The following MPP7 variants were observed in gnomAD, a reference collection of about 807,000 sequenced individuals.
MPP7 encodes MAGUK p55 subfamily member 7.
Under a neutral mutation model 76.5 loss-of-function variants are expected in MPP7, and 60 were observed. The ratio of observed to expected loss-of-function variants is 0.78; its 90% CI spans 0.64 to 0.97. The LOEUF is 0.97. MPP7 is among the 50% of genes least tolerant of loss of function. MPP7 has a pLI of 0.00. For synonymous variants in MPP7, 237 were observed against 244.5 expected (o/e 0.97, Z 0.29); for missense variants, 641 against 694.0 (o/e 0.92, Z 0.86).
At chr10:28,213,116 T>A (rs1401690503) in intron 2 of MPP7, among the ~76,000 whole-genome samples, 1 of 152,056 alleles carries the variant, frequency 6.6e-6, no homozygotes, top group Non-Finnish European at 1.5e-5. Context: ...ATTTTTAATT[T>A]TTTTTGTAGT....
At chr10:28,089,573 AT>A in intron 12 of MPP7, 97 bp downstream of exon 12, 1 of 1,163,074 alleles carries the variant, frequency 8.6e-7, no homozygotes, top group Non-Finnish European at 1.2e-6. Flanking sequence ...AGGGGAGGAG[AT>A]TTTTAGCTTG....
At chr10:28,309,076 G>C (rs1164111543) in intron 2 of MPP7, among the ~76,000 whole-genome samples, 1 of 152,026 alleles carries the variant, frequency 6.6e-6, no homozygotes, top group African/African-American at 2.4e-5. Flanking sequence ...GAGATGTGGG[G>C]ACCCAGCATT....
chr10:28,285,777 C>T (rs947296440), intron 1 of MPP7, among the ~76,000 whole-genome samples: 3 of 151,166 alleles, frequency 2.0e-5, no homozygotes, highest in African/African-American at 7.3e-5. Flanking sequence ...TATTTACAGG[C>T]ATTAAAAGAA....
intron 1 of MPP7, among the ~76,000 whole-genome samples, chr10:28,274,222 C>A (rs1469487464): frequency 1.3e-5 from 2 of 150,914 alleles, no homozygotes; most frequent in Non-Finnish European, 2.9e-5. Flanking sequence ...CCTGCCTCAG[C>A]CTCCCGAGTA....
intron 1 of MPP7, among the ~76,000 whole-genome samples, chr10:28,243,300 C>T (rs745360454): frequency 3.3e-5 from 5 of 152,070 alleles, no homozygotes; most frequent in Non-Finnish European, 7.3e-5. Flanking sequence ...CTGAAATACA[C>T]GCATGGTGGA....
At chr10:28,283,912 T>C (rs1196481008) in intron 1 of MPP7, among the ~76,000 whole-genome samples, 3 of 152,214 alleles carry the variant, frequency 2.0e-5, no homozygotes, top group Admixed American at 2.0e-4. Context: ...TCCCAAAGGA[T>C]ACTTTTAGCT....
intron 3 of MPP7, among the ~76,000 whole-genome samples, chr10:28,167,063 C>A (rs1336204551): frequency 1.3e-5 from 2 of 152,116 alleles, no homozygotes; most frequent in Non-Finnish European, 1.5e-5. Flanking sequence ...GTAATCCCAG[C>A]ACTTTAGGAG....
At chr10:28,202,722 A>G (rs1837819264) in intron 2 of MPP7, among the ~76,000 whole-genome samples, 1 of 152,198 alleles carries the variant, frequency 6.6e-6, no homozygotes, top group South Asian at 2.1e-4. Context: ...ATAGTTCCTA[A>G]TAACATATAG....
chr10:28,071,180 T>C (rs974058204), intron 12 of MPP7, among the ~76,000 whole-genome samples: 6 of 152,242 alleles, frequency 3.9e-5, no homozygotes, highest in African/African-American at 1.4e-4. Context: ...TACTTGACTG[T>C]TCACTGCCTT....
rs1456924710 is a variant in MPP7 at position 28,262,252 on chromosome 10, TA to T, written c.-131-23518del. Among the ~76,000 whole-genome samples the T allele has an allele frequency of 3.7e-5, 2 of 54,746 alleles. 1 individual carries two copies. The highest frequency in any genetic ancestry group is 2.1e-4 in the African/African-American group (2 of 9,584). 35.9% of individuals were successfully genotyped at this position (54,746 alleles called of 152,430 possible). ...ATATATATATATATATACATATATA[TA>T]TATATGTATATATATATATATATAT... On this transcript the variant is annotated intron_variant, in intron 1 of 16. Transcript: ENST00000683449.
At chr10:28,151,083 C>T (rs1009114541) in intron 3 of MPP7, among the ~76,000 whole-genome samples, 8 of 152,178 alleles carry the variant, frequency 5.3e-5, no homozygotes, top group Non-Finnish European at 1.0e-4. Context: ...TCAAGTAATA[C>T]ACTCTTTAAT....
intron 1 of MPP7, among the ~76,000 whole-genome samples, chr10:28,282,434 C>A (rs1840700583): frequency 1.3e-5 from 2 of 151,728 alleles, no homozygotes; most frequent in South Asian, 4.2e-4. Context: ...ATTCAAATAT[C>A]CAGGATATAG....
intron 2 of MPP7, among the ~76,000 whole-genome samples, chr10:28,233,073 G>A (rs1838942894): frequency 1.3e-5 from 2 of 152,058 alleles, no homozygotes; most frequent in South Asian, 2.1e-4. Flanking sequence ...GCACTATCCC[G>A]GGAATAAAAA....
At chr10:28,198,648 T>C (rs559790312) in intron 3 of MPP7, among the ~76,000 whole-genome samples, 2 of 150,830 alleles carry the variant, frequency 1.3e-5, no homozygotes, top group African/African-American at 4.9e-5. Context: ...TATCTTGTTC[T>C]AAAATGAACT....
chr10:28,256,912 T>A (rs1056163949), intron 1 of MPP7, among the ~76,000 whole-genome samples: 1 of 152,184 alleles, frequency 6.6e-6, no homozygotes, highest in African/African-American at 2.4e-5. Flanking sequence ...GAGATGCTCA[T>A]TCAATGTATG....
intron 12 of MPP7, among the ~76,000 whole-genome samples, chr10:28,084,202 T>C (rs1852897990): frequency 6.6e-6 from 1 of 152,228 alleles, no homozygotes; most frequent in African/African-American, 2.4e-5. Flanking sequence ...GCCATCATTA[T>C]AAGGCATACA....
intron 12 of MPP7, among the ~76,000 whole-genome samples, chr10:28,084,020 C>T (rs1255103968): frequency 2.0e-5 from 3 of 152,076 alleles, no homozygotes; most frequent in African/African-American, 4.8e-5. Context: ...AGGAAAAGAA[C>T]GTGTTAGGGG....
chr10:28,211,058 C>G (rs908028301), intron 2 of MPP7, among the ~76,000 whole-genome samples: 6 of 152,080 alleles, frequency 3.9e-5, no homozygotes, highest in African/African-American at 1.4e-4. Context: ...TCTTCCTGAA[C>G]CCATGCTACA....
intron 3 of MPP7, among the ~76,000 whole-genome samples, chr10:28,185,017 T>C (rs1201318847): frequency 6.8e-6 from 1 of 147,748 alleles, no homozygotes; most frequent in East Asian, 1.9e-4. Context: ...TTATATCATA[T>C]ATAGTATTTA....
Sources: allele counts gnomAD v4.1 joint callset (sites outside exome capture counted in the v4.1 genomes callset), GRCh38; gene constraint gnomAD v4.1.1; transcripts MANE v1.5; gene names NCBI Gene and HGNC (gene_info 2026-07-23, HGNC 2026-07-21).